Variants in MTCL2 observed in about 807,000 individuals in gnomAD.
The protein encoded by MTCL2 is microtubule crosslinking factor 2.
chr20:36,835,593 G>A, the MTCL2 span, among the ~76,000 whole-genome samples: 2 of 151,984 alleles, frequency 1.3e-5, no homozygotes, highest in African/African-American at 4.8e-5. Flanking sequence ...ACGATGCCAG[G>A]GAAAGCAGCA....
the MTCL2 span, chr20:36,780,313 G>T: frequency 1.3e-5 from 2 of 152,160 alleles, no homozygotes; most frequent in African/African-American, 4.8e-5. Context: ...GACAGGGGGA[G>T]TGGGGAGTTA....
At chr20:36,815,995 C>T in the MTCL2 span, 1 of 1,613,712 alleles carries the variant, frequency 6.2e-7, no homozygotes, top group South Asian at 1.1e-5. The surrounding 1 kb of genome is among the most constrained non-coding windows in gnomAD (Gnocchi z 5.3). Flanking sequence ...CCTCCATGAT[C>T]CTTCATGTCG....
chr20:36,788,829 A>C, the MTCL2 span, among the ~76,000 whole-genome samples: 2 of 138,898 alleles, frequency 1.4e-5, no homozygotes, highest in South Asian at 2.2e-4. Context: ...TTTTTGAGAC[A>C]GAGTTTAGCT....
chr20:36,855,949 G>C, the MTCL2 span, among the ~76,000 whole-genome samples: 617 of 152,274 alleles, frequency 4.1e-3, 5 homozygotes, highest in African/African-American at 0.014. Context: ...GGCAGGGCAG[G>C]CCTCAGGCCC....
At chr20:36,815,543 C>A in the MTCL2 span, 1 of 1,571,914 alleles carries the variant, frequency 6.4e-7, no homozygotes, top group Non-Finnish European at 8.6e-7. This position sits in a 1 kb window ranked among gnomAD's most constrained non-coding sequence, Gnocchi z 5.3. Context: ...GTGTCTCGCC[C>A]AGGGGAGCAG....
chr20:36,831,100 G>A, the MTCL2 span, among the ~76,000 whole-genome samples: 1 of 152,210 alleles, frequency 6.6e-6, no homozygotes, highest in Non-Finnish European at 1.5e-5. Flanking sequence ...CTGCTGGCTG[G>A]TTGAGGGAAG....
chr20:36,835,614 T>A, the MTCL2 span, among the ~76,000 whole-genome samples: 1 of 151,898 alleles, frequency 6.6e-6, no homozygotes, highest in Admixed American at 6.6e-5. Flanking sequence ...TTCTGATAAC[T>A]TCCCAAAACC....
the MTCL2 span, chr20:36,828,996 G>A: frequency 1.4e-6 from 2 of 1,465,296 alleles, no homozygotes; most frequent in Non-Finnish European, 1.8e-6. Context: ...TGGCTTGGGG[G>A]GGCTTGCATG....
At chr20:36,863,103 G>T in the MTCL2 span, 1 of 1,397,482 alleles carries the variant, frequency 7.2e-7, no homozygotes, top group Non-Finnish European at 9.3e-7. The surrounding 1 kb of genome is among the most constrained non-coding windows in gnomAD (Gnocchi z 6.2). Context: ...CGCACCGCGC[G>T]CCCCGGGAGC....
chr20:36,794,663 C>A, the MTCL2 span: 1 of 1,606,674 alleles, frequency 6.2e-7, no homozygotes, highest in South Asian at 1.1e-5. This position sits in a 1 kb window ranked among gnomAD's most constrained non-coding sequence, Gnocchi z 5.4. Context: ...ACACTCTGGT[C>A]TACCACCCTG....
At chr20:36,788,600 T>C in the MTCL2 span, among the ~76,000 whole-genome samples, 1 of 152,150 alleles carries the variant, frequency 6.6e-6, no homozygotes, top group Non-Finnish European at 1.5e-5. Flanking sequence ...ATCGTGCCAC[T>C]GCACTCCAGC....
At chr20:36,839,481 T>C in the MTCL2 span, 19 of 1,590,586 alleles carry the variant, frequency 1.2e-5, no homozygotes, top group African/African-American at 2.0e-4. The surrounding 1 kb of genome is among the most constrained non-coding windows in gnomAD (Gnocchi z 5.1). Context: ...GGGCCCACAG[T>C]AGCAGCTAGG....
the MTCL2 span, chr20:36,793,140 G>C: frequency 1.5e-6 from 2 of 1,323,088 alleles, no homozygotes; most frequent in East Asian, 2.5e-5. This position sits in a 1 kb window ranked among gnomAD's most constrained non-coding sequence, Gnocchi z 6.8. Context: ...CCTGATCTCA[G>C]GCGATCCACC....
At chr20:36,786,627 C>A in the MTCL2 span, 1 of 1,549,946 alleles carries the variant, frequency 6.5e-7, no homozygotes, top group Non-Finnish European at 8.7e-7. Flanking sequence ...ACTACAGTCA[C>A]AAACAGCGTC....
At chr20:36,853,101 C>T in the MTCL2 span, among the ~76,000 whole-genome samples, 1 of 151,624 alleles carries the variant, frequency 6.6e-6, no homozygotes, top group Non-Finnish European at 1.5e-5. Flanking sequence ...GGCCAGGACA[C>T]GCAGCCTGGC....
At chr20:36,862,785 C>T in the MTCL2 span, 1 of 1,427,418 alleles carries the variant, frequency 7.0e-7, no homozygotes, top group Admixed American at 2.4e-5. Context: ...GCGGCTGCTG[C>T]CCACCGACGA....
the MTCL2 span, among the ~76,000 whole-genome samples, chr20:36,805,431 C>T: frequency 6.6e-6 from 1 of 152,166 alleles, no homozygotes; most frequent in South Asian, 2.1e-4. Context: ...GTTCCTGACC[C>T]TAGACCACAA....
At chr20:36,851,906 T>C in the MTCL2 span, among the ~76,000 whole-genome samples, 1 of 152,138 alleles carries the variant, frequency 6.6e-6, no homozygotes, top group Non-Finnish European at 1.5e-5. Flanking sequence ...AAACTACTTC[T>C]AGTCAGCGCT....
the MTCL2 span, among the ~76,000 whole-genome samples, chr20:36,816,993 G>A: frequency 3.3e-5 from 5 of 152,120 alleles, no homozygotes; most frequent in Non-Finnish European, 7.4e-5. Flanking sequence ...GGGGCCGGGC[G>A]CAGTGGCTCA....
Sources: gnomAD v4.1 joint callset for allele counts (sites outside exome capture counted in the v4.1 genomes callset) on GRCh38, gnomAD v4.1.1 for gene constraint, Gnocchi (gnomAD v3.1) non-coding constraint, MANE v1.5 for transcripts, NCBI Gene and HGNC (gene_info 2026-07-23, HGNC 2026-07-21) for gene names.